Variants in ITGB2 observed in about 807,000 individuals in gnomAD.
The protein encoded by ITGB2 is integrin beta-2.
Under a neutral mutation model 86.8 loss-of-function variants are expected in ITGB2, and 56 were observed. The observed-to-expected ratio is 0.65, with a 90% CI of 0.52 to 0.81. ITGB2 has a LOEUF of 0.81. Among genes scored for constraint, ITGB2 ranks in the 30% least tolerant of loss-of-function variants. The pLI is 0.00. For missense variants in ITGB2, 948 were observed against 1,061.2 expected (o/e 0.89, Z 1.48); for synonymous variants, 457 against 450.4 (o/e 1.01, Z -0.19).
In ITGB2 at chr21:44,890,101, A is replaced by G. The variant is rs1379277194; in HGVS notation, c.1534T>C (p.Cys512Arg). ...TGGCACAGGCACTGCCCGCAGACAC[A>G]GTCCCCCAGCCCTGAGCAGATGATG... ...NSIICSGLGD[C>R]VCGQCLCHTS... Residue 512 changes from cysteine to arginine, a missense_variant, in exon 12 of 16, where the codon TGT (cysteine) becomes CGT (arginine). Transcript: ENST00000652462. 6.2e-7 allele frequency: 1 copy of G among 1,613,482 alleles called. No homozygotes were observed. Among genetic ancestry groups the G allele is most frequent in the African/African-American group, 1.3e-5 (1 of 75,044 alleles).
At chr21:44,898,265 C>A (rs2083897215) in intron 8 of ITGB2, among the ~76,000 whole-genome samples, 1 of 152,198 alleles carries the variant, frequency 6.6e-6, no homozygotes, top group Non-Finnish European at 1.5e-5. Context: ...GGCCACACAT[C>A]ATCGCTGGGA....
In ITGB2 at chr21:44,886,118, C is replaced by T. The variant is rs1409312982; in HGVS notation, c.*250G>A. 10 of 576,818 alleles carry T rather than the reference C, an allele frequency of 1.7e-5. 1 individual carries two copies. The highest frequency in any genetic ancestry group is 1.2e-4 in the Admixed American group (4 of 34,386). The allele number at this position is 576,818 out of a possible 1,614,324, so 35.7% of individuals were successfully genotyped here. ...TCCTGACTTGCACAGGAAACACGCA[C>T]CTAACCTCACCAACCTCAAGCCCTC... is the stretch of plus-strand genomic sequence containing the variant. On this transcript the variant is annotated 3_prime_UTR_variant, in exon 16 of 16. Coordinates refer to ENST00000652462, the MANE Select transcript of ITGB2 (RefSeq NM_000211.5).
chr21:44,921,993 G>A (rs1056473557), upstream of ITGB2, among the ~76,000 whole-genome samples: 1 of 152,222 alleles, frequency 6.6e-6, no homozygotes. Flanking sequence ...CAAAGTGCTG[G>A]GATTACTGGC....
At chr21:44,923,895 G>T (rs965422220), upstream of ITGB2, among the ~76,000 whole-genome samples, 1 of 152,094 alleles carries the variant, frequency 6.6e-6, no homozygotes, top group African/African-American at 2.4e-5. Context: ...GAAAATACAC[G>T]TATGTGCTAG....
At chr21:44,891,768 G>A in intron 11 of ITGB2, 41 bp downstream of exon 11, 1 of 1,594,282 alleles carries the variant, frequency 6.3e-7, no homozygotes, top group South Asian at 1.1e-5. Context: ...CTGTGGGGTG[G>A]GGCTCGGGGA....
intron 5 of ITGB2, 108 bp downstream of exon 5, chr21:44,903,257 C>G: frequency 7.0e-7 from 1 of 1,429,750 alleles, no homozygotes; most frequent in Non-Finnish European, 9.8e-7. Flanking sequence ...TCTGGGGCCC[C>G]CAGATCTACC....
chr21:44,902,338 C>T (rs1601307657), intron 5 of ITGB2, among the ~76,000 whole-genome samples: 2 of 152,320 alleles, frequency 1.3e-5, no homozygotes, highest in East Asian at 1.9e-4. Flanking sequence ...TGTGAGCATG[C>T]ATTCATGTGT....
At chr21:44,924,439 AAAC>A (rs1369290379), upstream of ITGB2, among the ~76,000 whole-genome samples, 7 of 152,284 alleles carry the variant, frequency 4.6e-5, no homozygotes, top group East Asian at 1.2e-3. Flanking sequence ...TCAAAAACAA[AAAC>A]AACAACAAAC....
chr21:44,913,644 C>T (rs911660301), intron 1 of ITGB2, among the ~76,000 whole-genome samples: 3 of 152,228 alleles, frequency 2.0e-5, no homozygotes, highest in East Asian at 1.9e-4. Context: ...GATGAAGGTC[C>T]GCTCCAGGAG....
chr21:44,898,852 C>T (rs564959537), intron 8 of ITGB2, among the ~76,000 whole-genome samples: 21 of 152,322 alleles, frequency 1.4e-4, no homozygotes, highest in South Asian at 4.1e-4. Context: ...GTTTCAGGGA[C>T]GGGGAGGAAT....
In ITGB2 at chr21:44,910,760, A is replaced by T; in HGVS notation, c.23T>A (p.Leu8Gln). The T allele has an allele frequency of 1.2e-6, 2 of 1,613,970 alleles. No individual in the cohort carries two copies. The highest frequency in any genetic ancestry group is 1.3e-5 in the African/African-American group (1 of 75,048). The change falls in exon 2 of 16, where the codon CTG becomes CAG. Residue 8 changes from leucine (L) to glutamine (Q), a missense_variant. Physicochemically the swap from Leu to Gln is moderately radical, Grantham distance 113 (BLOSUM62 -2). Transcript: ENST00000652462. ...GGAGAGCAGCCCCACCAGGGCGAGC[A>T]GTGGGGGGCGCAGGCCCAGCATGTC... MLGLRPP[L>Q]LALVGLLSLG...
At chr21:44,886,992 CACTTAGAGAG>C in intron 14 of ITGB2, 90 bp from the exon 15 acceptor site, 1 of 1,516,330 alleles carries the variant, frequency 6.6e-7, no homozygotes, top group Non-Finnish European at 9.0e-7. Context: ...CACAACACAG[CACTTAGAGAG>C]ACGGAGGTTC....
At position 44,895,003 on chromosome 21, in the gene ITGB2, T is replaced by C; in HGVS notation, c.1051A>G (p.Asn351Asp). The change falls in exon 9 of 16, where the codon AAT becomes GAT. Residue 351 changes from asparagine (N) to aspartate (D), a missense_variant. By Grantham distance (23) the Asn-to-Asp change is conservative (BLOSUM62 1). Transcript: ENST00000652462. ...AVGELSEDSS[N>D]VVHLIKNAYN... is the part of the protein sequence containing the mutation. ...GCATTCTTAATGAGATGGACCACATTGCTGGAGTCCTCAGACAGCTCCCCC... is the reference window on the plus strand; with the variant it reads ...GCATTCTTAATGAGATGGACCACATCGCTGGAGTCCTCAGACAGCTCCCCC... The C allele has an allele frequency of 6.2e-7, 1 of 1,612,940 alleles. No individual in the cohort carries two copies. The highest frequency in any genetic ancestry group is 8.5e-7 in the Non-Finnish European group (1 of 1,179,132).
chr21:44,902,814 G>A (rs928339591), intron 5 of ITGB2, among the ~76,000 whole-genome samples: 11 of 152,244 alleles, frequency 7.2e-5, no homozygotes, highest in Non-Finnish European at 1.3e-4. Flanking sequence ...TTGCTTGTGT[G>A]TGTGTGTGTT....
intron 1 of ITGB2, among the ~76,000 whole-genome samples, chr21:44,917,530 G>A (rs185412544): frequency 2.0e-4 from 30 of 152,286 alleles, no homozygotes; most frequent in African/African-American, 6.0e-4. Flanking sequence ...CCACTGTGAC[G>A]TTGATGAGGA....
intron 11 of ITGB2, 145 bp from the exon 12 acceptor site, chr21:44,890,367 C>G: frequency 9.8e-7 from 1 of 1,023,366 alleles, no homozygotes; most frequent in Non-Finnish European, 1.5e-6. Context: ...TGAGCACTTG[C>G]CACGGACTAA....
intron 10 of ITGB2, among the ~76,000 whole-genome samples, chr21:44,892,481 G>T (rs186624436): frequency 2.5e-4 from 38 of 152,104 alleles, no homozygotes; most frequent in African/African-American, 7.9e-4. Context: ...TTAGCCGAGC[G>T]TGGTGGCACA....
chr21:44,894,008 CAGAG>C (rs376423684), intron 9 of ITGB2: 10 of 272,310 alleles, frequency 3.7e-5, no homozygotes, highest in African/African-American at 1.8e-4. Flanking sequence ...GAGAGACAGA[CAGAG>C]AGAGACAGAG....
At chr21:44,897,499 G>A (rs557635923) in intron 8 of ITGB2, among the ~76,000 whole-genome samples, 11 of 152,276 alleles carry the variant, frequency 7.2e-5, no homozygotes, top group African/African-American at 2.2e-4. Flanking sequence ...GAGGATAATC[G>A]GGCCCTTTAG....
Sources: allele counts gnomAD v4.1 joint callset (sites outside exome capture counted in the v4.1 genomes callset), GRCh38; gene constraint gnomAD v4.1.1; transcripts MANE v1.5; gene names NCBI Gene and HGNC (gene_info 2026-07-23, HGNC 2026-07-21).